The following SLC25A19 variants were observed in gnomAD, a reference collection of about 807,000 sequenced individuals.
The protein encoded by SLC25A19 is solute carrier family 25 member 19, also known as mitochondrial thiamine pyrophosphate carrier.
Under a neutral mutation model 27.9 loss-of-function variants are expected in SLC25A19, and 18 were observed. The ratio of observed to expected loss-of-function variants is 0.64; its 90% CI spans 0.45 to 0.96. SLC25A19 has a LOEUF of 0.96. SLC25A19 is among the 40% of genes least tolerant of loss of function. SLC25A19 has a pLI of 0.00. For missense variants in SLC25A19, 371 were observed against 418.3 expected (o/e 0.89, Z 0.99); for synonymous variants, 169 against 167.1 (o/e 1.01, Z -0.09).
rs35328245 is a variant in SLC25A19, at chr17:75,279,506, C to CTTT, written c.460-1174_460-1172dup. Among the ~76,000 whole-genome samples the CTTT allele has an allele frequency of 3.3e-3, 373 of 114,096 alleles. 7 individuals carry two copies. Among genetic ancestry groups the CTTT allele is most frequent in the African/African-American group, 0.01 (331 of 31,718 alleles). 74.9% of individuals were successfully genotyped at this position (114,096 alleles called of 152,430 possible). A position where few individuals can be genotyped will look rare whatever the true frequency, so the allele number is the denominator to read the frequency against. ...GAAGCTAGAGGTAATATGCTATTAT[C>CTTT]TTTTTTTTTTTTTTTTTTTGAGACG... is the stretch of plus-strand genomic sequence containing the variant. On this transcript the variant is annotated intron_variant, in intron 5 of 7. Transcript: ENST00000416858.
chr17:75,276,133 G>A (rs889237453), intron 7 of SLC25A19, among the ~76,000 whole-genome samples: 2 of 151,984 alleles, frequency 1.3e-5, no homozygotes, highest in African/African-American at 4.8e-5. Context: ...AAATTAGCTG[G>A]GCGTGGTGGC....
At chr17:75,279,794 A>G (rs1165070717) in intron 5 of SLC25A19, among the ~76,000 whole-genome samples, 1 of 152,190 alleles carries the variant, frequency 6.6e-6, no homozygotes, top group Non-Finnish European at 1.5e-5. Flanking sequence ...GGCGAGAGCC[A>G]TCGCGCCCAG....
At chr17:75,278,054 T>C (rs2077937032) in intron 6 of SLC25A19, 98 bp downstream of exon 6, 1 of 1,375,498 alleles carries the variant, frequency 7.3e-7, no homozygotes, top group Non-Finnish European at 1.0e-6. Context: ...CCGCGGTCTT[T>C]GATTCGGACA....
intron 7 of SLC25A19, 86 bp downstream of exon 7, chr17:75,277,267 C>T: frequency 1.3e-6 from 2 of 1,564,542 alleles, no homozygotes; most frequent in Non-Finnish European, 1.7e-6. Context: ...TGATGTTGCC[C>T]AATGGGTAGG....
chr17:75,278,651 G>T (rs2077959017), intron 5 of SLC25A19, among the ~76,000 whole-genome samples: 1 of 152,016 alleles, frequency 6.6e-6, no homozygotes, highest in African/African-American at 2.4e-5. Context: ...GTGAATTATG[G>T]GACACCAGCT....
chr17:75,279,334 G>A (rs754757583), intron 5 of SLC25A19, among the ~76,000 whole-genome samples: 3 of 151,906 alleles, frequency 2.0e-5, no homozygotes, highest in Non-Finnish European at 2.9e-5. Context: ...ATTTTTTATC[G>A]TTCAAGATCA....
intron 5 of SLC25A19, among the ~76,000 whole-genome samples, chr17:75,279,969 T>C (rs1209899714): frequency 6.6e-6 from 1 of 152,178 alleles, no homozygotes; most frequent in Non-Finnish European, 1.5e-5. Flanking sequence ...GCTAATTTTT[T>C]TGTATTTTGT....
At chr17:75,279,627 G>GC (rs1226425353) in intron 5 of SLC25A19, among the ~76,000 whole-genome samples, 1 of 149,958 alleles carries the variant, frequency 6.7e-6, no homozygotes, top group East Asian at 2.0e-4. Context: ...TCCTGCCTCA[G>GC]ACCCCCGAGT....
chr17:75,273,511 G>A lies in SLC25A19; in HGVS notation c.903C>T (p.Phe301=), dbSNP rs1397702630. 1.9e-6 allele frequency: 3 copies of A among 1,614,200 alleles called. No homozygotes were observed. The highest frequency in any genetic ancestry group is 1.1e-5 in the South Asian group (1 of 91,092). The change falls in exon 8 of 8, where the codon TTC becomes TTT. Residue 301 remains phenylalanine, a synonymous_variant. Transcript: ENST00000416858. ...AGACATTACAGAAGAATTCATACGA[G>A]AAGAACATGAAGCCTGTGGAGAGGG... ...KAALSTGFMF[F]SYEFFCNVFH...
Position 75,277,612 on chromosome 17 carries a change from C to CA in SLC25A19, c.644-130dup. The CA allele has an allele frequency of 4.8e-6, 5 of 1,044,572 alleles. 1 individual carries two copies. In the Admixed American group the frequency reaches 9.3e-5, roughly 19 times the overall value. The allele number at this position is 1,044,572 out of a possible 1,614,324, so 64.7% of individuals were successfully genotyped here. ...CACAAGCGCACTTCTATCTGACCTC[C>CA]ACTGGTCCTCCCATTCCAAAAAGGA... is the stretch of plus-strand genomic sequence containing the variant. On this transcript the variant is annotated intron_variant, in intron 6 of 7. Transcript: ENST00000416858.
Position 75,286,694 on chromosome 17 carries a change from A to G in SLC25A19, c.71T>C (p.Val24Ala). Reference protein sequence around the residue: ...TKFQVAVAGSVSGLVTRALIS... With the variant: ...TKFQVAVAGSASGLVTRALIS... Reference sequence around the variant, plus strand: ...CAGCGCCCGAGTAACAAGTCCAGACACAGACCCAGCCACTGCCACCTGGAA... The same window carrying G: ...CAGCGCCCGAGTAACAAGTCCAGACGCAGACCCAGCCACTGCCACCTGGAA... Residue 24 changes from valine (V) to alanine (A), a missense_variant, in exon 3 of 8, where the codon GTG (valine) becomes GCG (alanine). Val to Ala is a moderately conservative substitution (Grantham distance 64). Transcript: ENST00000416858. 1 of 1,614,174 alleles carries G rather than the reference A, an allele frequency of 6.2e-7. No homozygotes were observed. The highest frequency in any genetic ancestry group is 2.2e-5 in the East Asian group (1 of 44,882).
Position 75,286,646 on chromosome 17 carries a change from T to C in SLC25A19, c.119A>G (p.Lys40Arg). 1 of 1,614,196 alleles carries C rather than the reference T, an allele frequency of 6.2e-7. No individual in the cohort carries two copies. Among genetic ancestry groups the C allele is most frequent in the South Asian group, 1.1e-5 (1 of 91,084 alleles). ...GGGGAAGAGTACCTGGAAACGGATC[T>C]TGATGACGTCGAAGGGACTGATCAG... ...RALISPFDVI[K>R]IRFQLQHERL... The change falls in exon 3 of 8, where the codon AAG (lysine) becomes AGG (arginine). Residue 40 changes from lysine (K) to arginine (R), a missense_variant. By Grantham distance (26) the Lys-to-Arg change is conservative. Transcript: ENST00000416858.
intron 7 of SLC25A19, 51 bp from the exon 8 acceptor site, chr17:75,273,690 A>G (rs766699660): frequency 3.3e-6 from 5 of 1,528,692 alleles, no homozygotes; most frequent in Non-Finnish European, 4.5e-6. Flanking sequence ...GCTCCCATCA[A>G]CACAGCCCCT....
chr17:75,288,817 G>A (rs9889601), intron 1 of SLC25A19, among the ~76,000 whole-genome samples: 1 of 151,920 alleles, frequency 6.6e-6, no homozygotes, highest in Non-Finnish European at 1.5e-5. Context: ...CACCCACCCT[G>A]GAACTCCTCC....
At position 75,277,340 on chromosome 17, in the gene SLC25A19, G is replaced by A; in HGVS notation, c.774+13C>T. ...AAGGGTCAGAGCTGTCTGCCTGGGAGTGAACGGCTCACCTGGCCAAAGGCA... is the reference window on the plus strand; with the variant it reads ...AAGGGTCAGAGCTGTCTGCCTGGGAATGAACGGCTCACCTGGCCAAAGGCA... On this transcript the variant is annotated intron_variant, in intron 7 of 7. Coordinates refer to ENST00000416858, the MANE Select transcript of SLC25A19 (RefSeq NM_001126121.2). The A allele has an allele frequency of 6.2e-7, 1 of 1,612,668 alleles. No homozygotes were observed. Among genetic ancestry groups the A allele is most frequent in the Non-Finnish European group, 8.5e-7 (1 of 1,179,642 alleles).
Position 75,282,867 on chromosome 17 carries a change from T to TAAATAA in SLC25A19, c.459+555_459+556insTTATTT, listed in dbSNP as rs1476502602. ...CTCTGTCTCAAAAAAAATAAATAAATAACTAAAAATAAAAATAAAAATAAA... is the reference window on the plus strand; with the variant it reads ...CTCTGTCTCAAAAAAAATAAATAAATAAATAAAACTAAAAATAAAAATAAAAATAAA... On this transcript the variant is annotated intron_variant, in intron 5 of 7. Coordinates refer to ENST00000416858, the MANE Select transcript of SLC25A19 (RefSeq NM_001126121.2). Among the ~76,000 whole-genome samples the TAAATAA allele has an allele frequency of 1.5e-4, 21 of 144,756 alleles. 2 individuals are homozygous for TAAATAA. Among genetic ancestry groups the TAAATAA allele is most frequent in the Admixed American group, 1.0e-3 (15 of 14,588 alleles). The allele number at this position is 144,756 out of a possible 152,430, so 95.0% of individuals were successfully genotyped here.
Position 75,286,634 on chromosome 17 carries a change from T to C in SLC25A19, c.131A>G (p.Gln44Arg). The C allele has an allele frequency of 6.2e-7, 1 of 1,614,162 alleles. No individual in the cohort carries two copies. The highest frequency in any genetic ancestry group is 1.3e-5 in the African/African-American group (1 of 75,030). ...TGCATGGAAAAAGGGGAAGAGTACC[T>C]GGAAACGGATCTTGATGACGTCGAA... ...SPFDVIKIRF[Q>R]LQHERLSRSD... is the part of the protein sequence containing the mutation. Residue 44 changes from glutamine to arginine, a missense_variant and splice_region_variant, in exon 3 of 8, where the codon CAG becomes CGG. Physicochemically the swap from Gln to Arg is conservative, Grantham distance 43. Transcript: ENST00000416858.
chr17:75,273,460 G>A lies in SLC25A19; in HGVS notation c.954C>T (p.Ser318=). ...NVFHCMNRTA[S]QR is the part of the protein sequence containing the mutation. ...GGGGTCCTTCCTGCACTCAGCGCTG[G>A]CTGGCTGTCCTGTTCATGCAGTGGA... The change falls in exon 8 of 8, where the codon AGC becomes AGT. Residue 318 remains serine (S), a synonymous_variant. Transcript: ENST00000416858. The A allele has an allele frequency of 6.2e-7, 1 of 1,613,894 alleles. No individual in the cohort carries two copies. Among genetic ancestry groups the A allele is most frequent in the Non-Finnish European group, 8.5e-7 (1 of 1,179,984 alleles).
Position 75,286,629 on chromosome 17 carries a change from G to GTACCTGGAAACGGATCTTGATGA in SLC25A19, c.113_132+3dup. The GTACCTGGAAACGGATCTTGATGA allele has an allele frequency of 6.2e-7, 1 of 1,614,156 alleles. No individual in the cohort carries two copies. Among genetic ancestry groups the GTACCTGGAAACGGATCTTGATGA allele is most frequent in the South Asian group, 1.1e-5 (1 of 91,084 alleles). Reference sequence around the variant, plus strand: ...TCCATTGCATGGAAAAAGGGGAAGAGTACCTGGAAACGGATCTTGATGACG... The same window carrying GTACCTGGAAACGGATCTTGATGA: ...TCCATTGCATGGAAAAAGGGGAAGAGTACCTGGAAACGGATCTTGATGATACCTGGAAACGGATCTTGATGACG... On this transcript the variant is annotated splice_donor_region_variant and intron_variant, in intron 3 of 7. Coordinates refer to ENST00000416858, the MANE Select transcript of SLC25A19 (RefSeq NM_001126121.2).
Sources: allele counts gnomAD v4.1 joint callset (sites outside exome capture counted in the v4.1 genomes callset), GRCh38; gene constraint gnomAD v4.1.1; transcripts MANE v1.5; gene names NCBI Gene and HGNC (gene_info 2026-07-23, HGNC 2026-07-21).